PRKCH: variants seen among roughly 807,000 people sequenced by gnomAD.
PRKCH encodes protein kinase C eta type.
In PRKCH, 28 loss-of-function variants were observed where a neutral mutation model predicts 82.5. The ratio of observed to expected loss-of-function variants is 0.34; its 90% CI spans 0.25 to 0.47. The LOEUF is 0.47. Ranked by LOEUF, PRKCH falls within the 20% of genes least tolerant of loss-of-function variation. PRKCH has a pLI of 1.00. For synonymous variants in PRKCH, 322 were observed against 327.4 expected, an observed-to-expected ratio of 0.98 and a Z score of 0.18; for missense variants, 705 against 881.8, an observed-to-expected ratio of 0.80 and a Z score of 2.54.
intron 1 of PRKCH, among the ~76,000 whole-genome samples, chr14:61,209,999 G>A (rs796591008): frequency 6.6e-6 from 1 of 151,238 alleles, no homozygotes; most frequent in Non-Finnish European, 1.5e-5. Flanking sequence ...AGCACTTTGG[G>A]AGGCCGAGGA....
chr14:61,272,061 TA>T (rs1336907425), intron 1 of PRKCH, among the ~76,000 whole-genome samples: 2 of 151,198 alleles, frequency 1.3e-5, no homozygotes, highest in African/African-American at 4.9e-5. Flanking sequence ...CCGTCTCTAC[TA>T]AAAAAAATAC....
intron 9 of PRKCH, among the ~76,000 whole-genome samples, chr14:61,459,401 T>G (rs565817710): frequency 4.6e-5 from 7 of 152,224 alleles, no homozygotes; most frequent in Non-Finnish European, 8.8e-5. Context: ...CAGCACACTA[T>G]GGGTCTGCTG....
intron 10 of PRKCH, among the ~76,000 whole-genome samples, chr14:61,495,128 C>G (rs1356121423): frequency 1.3e-5 from 2 of 152,172 alleles, no homozygotes; most frequent in African/African-American, 4.8e-5. Flanking sequence ...ATTCAAGAAC[C>G]TTTTCAGACC....
chr14:61,331,191 T>G (rs1357904898), intron 1 of PRKCH, among the ~76,000 whole-genome samples: 1 of 152,162 alleles, frequency 6.6e-6, no homozygotes, highest in Admixed American at 6.5e-5. Context: ...ATGTAATAAT[T>G]TATTAATTTA....
intron 9 of PRKCH, chr14:61,463,460 A>G (rs1041786295): frequency 2.0e-4 from 30 of 151,666 alleles, no homozygotes; most frequent in African/African-American, 7.3e-4. Flanking sequence ...AGGTTTATGA[A>G]CCCATAGATT....
chr14:61,192,896 A>G (rs1015924101), intron 1 of PRKCH, among the ~76,000 whole-genome samples: 2 of 152,212 alleles, frequency 1.3e-5, no homozygotes, highest in Non-Finnish European at 2.9e-5. Flanking sequence ...GAACAGAGCA[A>G]CCACTTCTAA....
At chr14:61,218,286 T>C (rs2044628883) in intron 1 of PRKCH, among the ~76,000 whole-genome samples, 1 of 152,178 alleles carries the variant, frequency 6.6e-6, no homozygotes, top group African/African-American at 2.4e-5. Flanking sequence ...TCTGTCTCTG[T>C]CTCGTTACCT....
intron 1 of PRKCH, among the ~76,000 whole-genome samples, chr14:61,226,407 T>C (rs1230665293): frequency 1.3e-5 from 2 of 152,204 alleles, no homozygotes; most frequent in Non-Finnish European, 2.9e-5. Flanking sequence ...CAAACTACCC[T>C]GGCCCCAGAG....
At chr14:61,199,923 C>T (rs2044467406) in intron 1 of PRKCH, among the ~76,000 whole-genome samples, 2 of 152,218 alleles carry the variant, frequency 1.3e-5, no homozygotes, top group South Asian at 4.1e-4. Flanking sequence ...AGTGGTACAT[C>T]TAAAGCTAGT....
chr14:61,426,079 G>C (rs1795638584), intron 2 of PRKCH, among the ~76,000 whole-genome samples: 1 of 152,154 alleles, frequency 6.6e-6, no homozygotes. Context: ...AAATTACCCA[G>C]TCTCAGGTAT....
chr14:61,328,122 C>T (rs573926470), intron 1 of PRKCH, among the ~76,000 whole-genome samples: 71 of 151,596 alleles, frequency 4.7e-4, no homozygotes, highest in South Asian at 2.7e-3. Context: ...CGGTGGCGGG[C>T]GCCTGTAGTC....
At chr14:61,466,222 C>T (rs1435585169) in intron 9 of PRKCH, among the ~76,000 whole-genome samples, 1 of 152,148 alleles carries the variant, frequency 6.6e-6, no homozygotes, top group Non-Finnish European at 1.5e-5. Flanking sequence ...AATAGGATTA[C>T]ATTTCTTCAA....
intron 1 of PRKCH, among the ~76,000 whole-genome samples, chr14:61,268,231 C>T (rs2045121135): frequency 6.6e-6 from 1 of 152,194 alleles, no homozygotes; most frequent in East Asian, 1.9e-4. Flanking sequence ...TTGTGAGAAG[C>T]CAAGACTTTG....
At chr14:61,395,606 G>A (rs934763988) in intron 2 of PRKCH, among the ~76,000 whole-genome samples, 10 of 152,280 alleles carry the variant, frequency 6.6e-5, no homozygotes, top group Admixed American at 1.3e-4. Flanking sequence ...TGGTTGTCTT[G>A]AAGGTCAGAT....
At chr14:61,462,970 C>T (rs1040743787) in intron 9 of PRKCH, 8 of 152,252 alleles carry the variant, frequency 5.3e-5, no homozygotes, top group African/African-American at 9.7e-5. Flanking sequence ...TGTCTTATTC[C>T]GCATTTAGTT....
rs536535365 is a variant in PRKCH, at chr14:61,362,320, G to A, written c.364-28905G>A. On this transcript the variant is annotated intron_variant, in intron 1 of 13. Coordinates refer to ENST00000332981, the MANE Select transcript of PRKCH (RefSeq NM_006255.5). ...TACATCACTGCATTCCAGACTGGGC[G>A]ACAGAGTGGCATCTTGTCTTAAAAA... is the stretch of plus-strand genomic sequence containing the variant. Among the ~76,000 whole-genome samples, 13 of 146,756 alleles carry A rather than the reference G, an allele frequency of 8.9e-5. No individual in the cohort carries two copies. In the East Asian group the frequency reaches 1.2e-3, roughly 13 times the overall value.
chr14:61,290,970 A>C (rs1323757839), intron 1 of PRKCH, among the ~76,000 whole-genome samples: 1 of 152,228 alleles, frequency 6.6e-6, no homozygotes, highest in Non-Finnish European at 1.5e-5. Flanking sequence ...TATGGTAGAC[A>C]GAAGGCCACT....
intron 11 of PRKCH, among the ~76,000 whole-genome samples, chr14:61,529,911 AAAAT>A (rs1305595353): frequency 1.8e-5 from 2 of 109,670 alleles, no homozygotes; most frequent in Non-Finnish European, 3.9e-5. Context: ...ATAATAAAAA[AAAAT>A]ATATATATAT....
chr14:61,533,729 A>G (rs1230661937), intron 12 of PRKCH, among the ~76,000 whole-genome samples: 1 of 152,224 alleles, frequency 6.6e-6, no homozygotes, highest in Non-Finnish European at 1.5e-5. Context: ...GGTTGGCATG[A>G]GATAACATGT....
Sources: gnomAD v4.1 joint callset for allele counts (sites outside exome capture counted in the v4.1 genomes callset) on GRCh38, gnomAD v4.1.1 for gene constraint, MANE v1.5 for transcripts, NCBI Gene and HGNC (gene_info 2026-07-23, HGNC 2026-07-21) for gene names.